VAT1L: variants seen among roughly 807,000 people sequenced by gnomAD.
VAT1L encodes the protein vesicle amine transport 1 like.
VAT1L carries 34 observed loss-of-function variants against 44.1 expected under a neutral mutation model. The ratio of observed to expected loss-of-function variants is 0.77; its 90% CI spans 0.59 to 1.03. The LOEUF (loss-of-function observed/expected upper bound fraction) is 1.03, where lower values mean the gene tolerates loss of function less well. Among genes scored for constraint, VAT1L ranks in the 50% least tolerant of loss-of-function variants. VAT1L has a pLI of 0.00. For synonymous variants in VAT1L, 253 were observed against 202.2 expected (o/e 1.25, Z -2.13); for missense variants, 615 against 538.8 (o/e 1.14, Z -1.40).
intron 3 of VAT1L, among the ~76,000 whole-genome samples, chr16:77,850,192 G>A (rs116201838): frequency 3.8e-4 from 58 of 152,302 alleles, no homozygotes; most frequent in African/African-American, 1.3e-3. Flanking sequence ...TGTAGGAGAT[G>A]GGTAAAGACA....
intron 7 of VAT1L, among the ~76,000 whole-genome samples, chr16:77,887,502 A>G (rs1053656134): frequency 5.9e-5 from 9 of 152,296 alleles, no homozygotes; most frequent in African/African-American, 2.2e-4. Flanking sequence ...GGAGAAGCTC[A>G]GCTAGCATTA....
intron 4 of VAT1L, among the ~76,000 whole-genome samples, chr16:77,863,240 C>A (rs548872878): frequency 2.0e-5 from 3 of 152,298 alleles, no homozygotes; most frequent in East Asian, 1.9e-4. Context: ...TTCAGAGACC[C>A]AGGCTCTTTT....
intron 3 of VAT1L, among the ~76,000 whole-genome samples, chr16:77,837,056 C>T (rs111717843): frequency 6.6e-6 from 1 of 152,054 alleles, no homozygotes; most frequent in South Asian, 2.1e-4. Flanking sequence ...CTGGCATGTG[C>T]ACTCTCTTTG....
chr16:77,948,092 GTTC>G (rs1567518682), intron 7 of VAT1L, among the ~76,000 whole-genome samples: 1 of 152,130 alleles, frequency 6.6e-6, no homozygotes, highest in Non-Finnish European at 1.5e-5. Flanking sequence ...TGGAAAAGTA[GTTC>G]TTCTCTAAAC....
At position 77,884,579 on chromosome 16, in the gene VAT1L, C is replaced by G. The variant is rs563656449; in HGVS notation, c.883-29C>G. 3 of 1,602,488 alleles carry G rather than the reference C, an allele frequency of 1.9e-6. No individual in the cohort carries two copies. Among genetic ancestry groups the G allele is most frequent in the Admixed American group, 1.7e-5 (1 of 59,204 alleles). ...TAGGCTTAACCCCGGTATTGAGTTC[C>G]TATAACCCAATACCACCTCTCTTTG... On this transcript the variant is annotated intron_variant, in intron 6 of 8. Transcript: ENST00000302536. The surrounding 1 kb of genome is among the most constrained non-coding windows in gnomAD (Gnocchi z 4.5).
chr16:77,804,762 A>T (rs2016125802), intron 1 of VAT1L, among the ~76,000 whole-genome samples: 1 of 152,088 alleles, frequency 6.6e-6, no homozygotes, highest in African/African-American at 2.4e-5. Flanking sequence ...TTCCTTCTTG[A>T]GGCTGGAAAA....
At chr16:77,825,118 C>G in intron 2 of VAT1L, 128 bp from the exon 3 acceptor site, 1 of 938,512 alleles carries the variant, frequency 1.1e-6, no homozygotes, top group Middle Eastern at 3.3e-4. Flanking sequence ...TCACCCACCT[C>G]AGCCTCCCAA....
At chr16:77,956,197 T>C (rs1279908285) in intron 7 of VAT1L, among the ~76,000 whole-genome samples, 1 of 152,136 alleles carries the variant, frequency 6.6e-6, no homozygotes, top group Non-Finnish European at 1.5e-5. Flanking sequence ...CCCATAAATA[T>C]ACATACTTAC....
At chr16:77,971,256 G>A (rs3890485) in intron 7 of VAT1L, among the ~76,000 whole-genome samples, 5,630 of 152,254 alleles carry the variant, frequency 0.037, 307 homozygotes, top group African/African-American at 0.12. Flanking sequence ...GGAGACACCT[G>A]TTGGCCTGGC....
chr16:77,926,219 C>T (rs2017666535), intron 7 of VAT1L, among the ~76,000 whole-genome samples: 1 of 143,724 alleles, frequency 7.0e-6, no homozygotes, highest in South Asian at 2.2e-4. Context: ...CACCACTGCA[C>T]TCCAGTCTGG....
chr16:77,964,847 G>C (rs2018205747), intron 7 of VAT1L, among the ~76,000 whole-genome samples: 1 of 137,622 alleles, frequency 7.3e-6, no homozygotes, highest in Non-Finnish European at 1.5e-5. Flanking sequence ...AGGCTGGAGT[G>C]CAATGACGTA....
intron 7 of VAT1L, among the ~76,000 whole-genome samples, chr16:77,935,421 A>AT (rs35656458): frequency 6.6e-6 from 1 of 150,496 alleles, no homozygotes; most frequent in African/African-American, 2.4e-5. Context: ...GGGCACGAGA[A>AT]TTTTTTTTCA....
At chr16:77,837,749 C>T (rs1318874186) in intron 3 of VAT1L, among the ~76,000 whole-genome samples, 1 of 152,124 alleles carries the variant, frequency 6.6e-6, no homozygotes, top group Non-Finnish European at 1.5e-5. Flanking sequence ...GACTTTGTTT[C>T]TTCCTCTATA....
chr16:77,835,384 A>T (rs2016628596), intron 3 of VAT1L, among the ~76,000 whole-genome samples: 1 of 152,170 alleles, frequency 6.6e-6, no homozygotes, highest in African/African-American at 2.4e-5. Flanking sequence ...AATATTCATT[A>T]AATGAGGTCC....
intron 1 of VAT1L, among the ~76,000 whole-genome samples, chr16:77,797,194 C>A (rs2015952828): frequency 6.6e-6 from 1 of 151,896 alleles, no homozygotes; most frequent in Non-Finnish European, 1.5e-5. Flanking sequence ...TCACTGCAAC[C>A]TGCGCCTCCC....
At chr16:77,962,847 G>A (rs554797730) in intron 7 of VAT1L, among the ~76,000 whole-genome samples, 1 of 152,298 alleles carries the variant, frequency 6.6e-6, no homozygotes, top group African/African-American at 2.4e-5. Context: ...TTGGGAGGCT[G>A]AGACAGGAGG....
At chr16:77,794,488 C>T (rs2015892597) in intron 1 of VAT1L, among the ~76,000 whole-genome samples, 1 of 152,208 alleles carries the variant, frequency 6.6e-6, no homozygotes, top group African/African-American at 2.4e-5. Flanking sequence ...CTCCCTCTGC[C>T]TCATTTACCT....
chr16:77,826,281 G>T (rs897497429), intron 3 of VAT1L, among the ~76,000 whole-genome samples: 1 of 151,736 alleles, frequency 6.6e-6, no homozygotes, highest in African/African-American at 2.4e-5. Context: ...GTCAATCATT[G>T]TAAGACGTCT....
At chr16:77,863,524 G>A (rs577668519) in intron 4 of VAT1L, among the ~76,000 whole-genome samples, 21 of 152,146 alleles carry the variant, frequency 1.4e-4, no homozygotes, top group African/African-American at 3.1e-4. Flanking sequence ...TTTCAACTTC[G>A]GAGCCCGTGA....
Sources: gnomAD v4.1 joint callset for allele counts (sites outside exome capture counted in the v4.1 genomes callset) on GRCh38, gnomAD v4.1.1 for gene constraint, Gnocchi (gnomAD v3.1) non-coding constraint, MANE v1.5 for transcripts, NCBI Gene and HGNC (gene_info 2026-07-23, HGNC 2026-07-21) for gene names.